The following RASGEF1A variants were observed in gnomAD, a reference collection of about 807,000 sequenced individuals.
RASGEF1A encodes the protein ras-GEF domain-containing family member 1A.
A neutral mutation model predicts 56.4 loss-of-function variants in RASGEF1A; 18 were observed. The ratio of observed to expected loss-of-function variants is 0.32; its 90% CI spans 0.22 to 0.47. The LOEUF (loss-of-function observed/expected upper bound fraction) is 0.47. Among genes scored for constraint, RASGEF1A ranks in the 20% least tolerant of loss-of-function variants. RASGEF1A has a pLI of 1.00. For synonymous variants in RASGEF1A, 245 were observed against 242.6 expected (o/e 1.01, Z -0.09); for missense variants, 422 against 627.1 (o/e 0.67, Z 3.49).
rs112570319 is a variant in RASGEF1A at position 43,199,450 on chromosome 10, A to G, written c.849+226T>C. Among the ~76,000 whole-genome samples, 49 of 152,286 alleles carry G rather than the reference A, an allele frequency of 3.2e-4. 4 individuals are homozygous for G. The highest frequency in any genetic ancestry group is 1.2e-3 in the African/African-American group (49 of 41,552). On this transcript the variant is annotated intron_variant, in intron 7 of 12. Transcript: ENST00000395810. The stretch of plus-strand genomic sequence containing the variant: ...GCTGGCAAAGCCTCACACAGGCAAG[A>G]AAAATGGTGCTGGGCACAAGGGGAG...
At chr10:43,230,615 C>G (rs1456159989) in intron 1 of RASGEF1A, among the ~76,000 whole-genome samples, 3 of 152,180 alleles carry the variant, frequency 2.0e-5, no homozygotes, top group East Asian at 1.9e-4. Flanking sequence ...TAGGGAGGAG[C>G]AGGGTATGCT....
At chr10:43,219,015 G>A (rs1840172402) in intron 1 of RASGEF1A, among the ~76,000 whole-genome samples, 2 of 152,194 alleles carry the variant, frequency 1.3e-5, no homozygotes, top group African/African-American at 2.4e-5. Context: ...TTCTGGGCCT[G>A]CTCAGGGCAT....
Position 43,200,090 on chromosome 10 carries a change from C to A in RASGEF1A, c.756+92G>T, listed in dbSNP as rs116260578. ...CCCAGCACTCCGGAGACGCTCGGGG[C>A]GTGCTGAGTGAGGCCCACACCCACC... On this transcript the variant is annotated intron_variant, in intron 6 of 12. Transcript: ENST00000395810. 4.3e-5 allele frequency: 44 copies of A among 1,029,356 alleles called. 1 individual carries two copies. The South Asian group carries it at 4.8e-4, about 11-fold the overall frequency. The allele number at this position is 1,029,356 out of a possible 1,614,324, so 63.8% of individuals were successfully genotyped here.
rs532040516 is a variant in RASGEF1A at position 43,244,350 on chromosome 10, C to T, written c.-7+22495G>A. On this transcript the variant is annotated intron_variant, in intron 1 of 12. Transcript: ENST00000395810. ...TATTATCCTATGACCCTGCCACATC[C>T]CCCTCTCTGAGAAACACCTAAGAAT... Among the ~76,000 whole-genome samples, 234 of 150,278 alleles carry T rather than the reference C, an allele frequency of 1.6e-3. 4 individuals are homozygous for T. The highest frequency in any genetic ancestry group is 6.8e-3 in the Middle Eastern group (2 of 292).
At chr10:43,256,112 C>T (rs1442165920) in intron 1 of RASGEF1A, among the ~76,000 whole-genome samples, 1 of 152,202 alleles carries the variant, frequency 6.6e-6, no homozygotes, top group South Asian at 2.1e-4. Flanking sequence ...CCAGGGGACC[C>T]AGAGTGAACT....
intron 1 of RASGEF1A, among the ~76,000 whole-genome samples, chr10:43,232,565 C>A (rs538965597): frequency 1.0e-4 from 15 of 150,034 alleles, no homozygotes; most frequent in Non-Finnish European, 1.9e-4. Context: ...CAGCTCACTG[C>A]AACCTCCACC....
In RASGEF1A at chr10:43,195,208, A is replaced by G. The variant is rs145924340; in HGVS notation, c.*1036T>C. On this transcript the variant is annotated 3_prime_UTR_variant, in exon 13 of 13. Transcript: ENST00000395810. The surrounding 1 kb of genome is among the most constrained non-coding windows in gnomAD (Gnocchi z 4.2). ...CAGGGCTCACACCACGAAGTCAGAC[A>G]TGGGAAAATGGAGTGTGCTCCTCTA... is the stretch of plus-strand genomic sequence containing the variant. 34 of 152,438 alleles carry G rather than the reference A, an allele frequency of 2.2e-4. No homozygotes were observed. Among genetic ancestry groups the G allele is most frequent in the Admixed American group, 7.2e-4 (11 of 15,310 alleles). The allele number at this position is 152,438 out of a possible 1,614,324, so 9.4% of individuals were successfully genotyped here.
intron 1 of RASGEF1A, among the ~76,000 whole-genome samples, chr10:43,247,590 C>T (rs1189301009): frequency 6.6e-6 from 1 of 152,132 alleles, no homozygotes; most frequent in Non-Finnish European, 1.5e-5. Context: ...TACCAACATG[C>T]TACAACACTG....
rs1308432793 is a variant in RASGEF1A, at chr10:43,195,139, T to G, written c.*1105A>C. The stretch of plus-strand genomic sequence containing the variant: ...AGACGGTCCACGTGGATTGACCGTG[T>G]GCTTTCTGAAGGACAGCTGTCCTGC... On this transcript the variant is annotated 3_prime_UTR_variant, in exon 13 of 13. Transcript: ENST00000395810. The surrounding 1 kb of genome is among the most constrained non-coding windows in gnomAD (Gnocchi z 4.2). 1.3e-5 allele frequency: 2 copies of G among 152,216 alleles called. No homozygotes were observed. Among genetic ancestry groups the G allele is most frequent in the Non-Finnish European group, 2.9e-5 (2 of 68,060 alleles). The allele number at this position is 152,216 out of a possible 1,614,324, so 9.4% of individuals were successfully genotyped here.
chr10:43,229,580 C>A, intron 1 of RASGEF1A: 1 of 1,414,438 alleles, frequency 7.1e-7, no homozygotes, highest in South Asian at 1.3e-5. Flanking sequence ...CCTCCCGAGC[C>A]CGACAGCGCA....
chr10:43,196,257 A>G lies in RASGEF1A; in HGVS notation c.1433T>C (p.Leu478Pro), dbSNP rs770523436. ...GCTGCATCCGCCTCAGGCTCTGTTCAGAAGGGTGGTCCTAGAGGGGGACAG... is the reference window on the plus strand; with the variant it reads ...GCTGCATCCGCCTCAGGCTCTGTTCGGAAGGGTGGTCCTAGAGGGGGACAG... ...DSWKTLRTTL[L>P]NRA The change falls in exon 13 of 13, where the codon CTG becomes CCG. Residue 478 changes from leucine to proline, a missense_variant. By Grantham distance (98) the Leu-to-Pro change is moderately conservative. This residue lies in a region of RASGEF1A where 149 missense variants were observed against 287.2 expected (regional missense o/e 0.52). Coordinates refer to ENST00000395810, the MANE Select transcript of RASGEF1A (RefSeq NM_145313.4). The surrounding 1 kb of genome is among the most constrained non-coding windows in gnomAD (Gnocchi z 4.6). 6 of 1,613,728 alleles carry G rather than the reference A, an allele frequency of 3.7e-6. No individual in the cohort carries two copies. Among genetic ancestry groups the G allele is most frequent in the Non-Finnish European group, 5.1e-6 (6 of 1,179,796 alleles).
intron 1 of RASGEF1A, chr10:43,209,262 C>T: frequency 1.0e-6 from 1 of 962,674 alleles, no homozygotes; most frequent in Non-Finnish European, 1.2e-6. Flanking sequence ...TTCCCAGTCA[C>T]CCCCTATGCT....
At chr10:43,265,392 G>A (rs1836605888) in intron 1 of RASGEF1A, among the ~76,000 whole-genome samples, 1 of 152,150 alleles carries the variant, frequency 6.6e-6, no homozygotes, top group South Asian at 2.1e-4. Flanking sequence ...AGAGAGCCTG[G>A]GGGATCCACA....
intron 1 of RASGEF1A, among the ~76,000 whole-genome samples, chr10:43,215,116 G>A (rs968535711): frequency 1.3e-5 from 2 of 152,200 alleles, no homozygotes; most frequent in South Asian, 4.1e-4. Flanking sequence ...TCGGGGGACC[G>A]ATGAGCTCCC....
chr10:43,256,414 A>G (rs1836406515), intron 1 of RASGEF1A, among the ~76,000 whole-genome samples: 1 of 152,182 alleles, frequency 6.6e-6, no homozygotes, highest in South Asian at 2.1e-4. Flanking sequence ...AGGCAGAAAG[A>G]AGAACAGGAA....
At chr10:43,227,074 C>T (rs947978479) in intron 1 of RASGEF1A, among the ~76,000 whole-genome samples, 19 of 152,162 alleles carry the variant, frequency 1.2e-4, no homozygotes, top group African/African-American at 4.6e-4. Context: ...CAAGGATAAC[C>T]AGGGGTTTTC....
At position 43,196,923 on chromosome 10, in the gene RASGEF1A, G is replaced by C; in HGVS notation, c.1348+53C>G. ...GCAACCCCAAAGAGCACCGGGCCTG[G>C]ACAAGGAGTCAGGTGGGGTGGGAGG... is the stretch of plus-strand genomic sequence containing the variant. On this transcript the variant is annotated intron_variant, in intron 11 of 12. Transcript: ENST00000395810. This position sits in a 1 kb window ranked among gnomAD's most constrained non-coding sequence, Gnocchi z 4.6. The C allele has an allele frequency of 6.2e-7, 1 of 1,601,474 alleles. No individual in the cohort carries two copies. The highest frequency in any genetic ancestry group is 8.5e-7 in the Non-Finnish European group (1 of 1,174,892).
At chr10:43,211,010 C>T (rs1840059826) in intron 1 of RASGEF1A, among the ~76,000 whole-genome samples, 1 of 151,750 alleles carries the variant, frequency 6.6e-6, no homozygotes, top group African/African-American at 2.4e-5. Context: ...GACAGGCTTG[C>T]ACGCAGCAGC....
chr10:43,199,765 G>T lies in RASGEF1A; in HGVS notation c.760C>A (p.Arg254=). 6.2e-7 allele frequency: 1 copy of T among 1,613,254 alleles called. No individual in the cohort carries two copies. Among genetic ancestry groups the T allele is most frequent in the Non-Finnish European group, 8.5e-7 (1 of 1,179,772 alleles). ...HMDSLDNHRC[R]GDLTKTYSLE... ...CTGTAGGTCTTGGTCAGGTCCCCTCGGCACTGGAAAGGACACAGCAGGTCA... is the reference window on the plus strand; with the variant it reads ...CTGTAGGTCTTGGTCAGGTCCCCTCTGCACTGGAAAGGACACAGCAGGTCA... Residue 254 remains arginine, a synonymous_variant, in exon 7 of 13, where the codon CGA becomes AGA. Transcript: ENST00000395810.
Sources: gnomAD v4.1 joint callset for allele counts (sites outside exome capture counted in the v4.1 genomes callset) on GRCh38, gnomAD v4.1.1 for gene constraint, gnomAD v4.1.1 regional missense constraint, Gnocchi (gnomAD v3.1) non-coding constraint, MANE v1.5 for transcripts, NCBI Gene and HGNC (gene_info 2026-07-23, HGNC 2026-07-21) for gene names.